Variants in KDM2A observed in about 807,000 individuals in gnomAD.
The protein encoded by KDM2A is lysine-specific demethylase 2A.
A neutral mutation model predicts 137.3 loss-of-function variants in KDM2A; 3 were observed. That is an observed-to-expected ratio of 0.02 (90% CI 0.01 to 0.06). The LOEUF (loss-of-function observed/expected upper bound fraction) is 0.06, where lower values mean the gene tolerates loss of function less well. KDM2A is among the 10% of genes least tolerant of loss of function. KDM2A has a pLI of 1.00. For missense variants in KDM2A, 738 were observed against 1,510.6 expected (o/e 0.49, Z 8.48); for synonymous variants, 512 against 541.5 (o/e 0.95, Z 0.76).
intron 2 of KDM2A, among the ~76,000 whole-genome samples, chr11:67,154,723 A>G (rs929872614): frequency 3.9e-5 from 6 of 152,216 alleles, no homozygotes; most frequent in Admixed American, 3.3e-4. Context: ...ACAGGCATGA[A>G]CCACCATGCC....
At chr11:67,148,328 A>G (rs549406759) in intron 2 of KDM2A, among the ~76,000 whole-genome samples, 1 of 151,946 alleles carries the variant, frequency 6.6e-6, no homozygotes, top group East Asian at 1.9e-4. Flanking sequence ...GGTCGAGGCC[A>G]AAGGGTCGCT....
At chr11:67,127,515 T>G (rs1410275756) in intron 2 of KDM2A, among the ~76,000 whole-genome samples, 1 of 152,082 alleles carries the variant, frequency 6.6e-6, no homozygotes, top group Non-Finnish European at 1.5e-5. Flanking sequence ...CTAAAAGATG[T>G]TATTATCGCA....
intron 11 of KDM2A, 65 bp from the exon 12 acceptor site, chr11:67,231,501 A>G (rs564687157): frequency 3.5e-6 from 5 of 1,424,078 alleles, no homozygotes; most frequent in Middle Eastern, 2.2e-4. Flanking sequence ...CATGCCACCT[A>G]TTTCTCTTGC....
In KDM2A at chr11:67,231,495, C is replaced by T. The variant is rs376656070; in HGVS notation, c.1085-71C>T. ...TTATAGCCTCAAGGCCCCTATCATGCCACCTATTTCTCTTGCTGATCACAT... is the reference window on the plus strand; with the variant it reads ...TTATAGCCTCAAGGCCCCTATCATGTCACCTATTTCTCTTGCTGATCACAT... On this transcript the variant is annotated intron_variant, in intron 11 of 20. Transcript: ENST00000529006. The T allele has an allele frequency of 2.8e-5, 38 of 1,373,616 alleles. 1 individual carries two copies. In the African/African-American group the frequency reaches 4.2e-4, roughly 15 times the overall value. 85.1% of individuals were successfully genotyped at this position (1,373,616 alleles called of 1,614,324 possible).
intron 6 of KDM2A, among the ~76,000 whole-genome samples, chr11:67,212,032 A>G (rs181415750): frequency 0.011 from 1,674 of 152,324 alleles, 22 homozygotes; most frequent in Middle Eastern, 0.017. Context: ...AAAGTAGCAC[A>G]TGCCTTTAGT....
At chr11:67,151,473 C>G (rs1000966222) in intron 2 of KDM2A, among the ~76,000 whole-genome samples, 1 of 151,972 alleles carries the variant, frequency 6.6e-6, no homozygotes, top group Non-Finnish European at 1.5e-5. Flanking sequence ...TTCCGCCTCC[C>G]GAATAAGTGG....
chr11:67,147,716 C>T (rs910971887), intron 2 of KDM2A, among the ~76,000 whole-genome samples: 1 of 150,066 alleles, frequency 6.7e-6, no homozygotes, highest in Non-Finnish European at 1.5e-5. Flanking sequence ...CTTGCAGTGT[C>T]GCCTGAGCTG....
intron 2 of KDM2A, among the ~76,000 whole-genome samples, chr11:67,125,778 CAAA>C (rs1209264085): frequency 4.0e-5 from 4 of 100,288 alleles, no homozygotes; most frequent in Admixed American, 1.1e-4. Context: ...GACTCCATCT[CAAA>C]AAAAAAAAAA....
At chr11:67,208,138 T>C (rs773011343) in intron 6 of KDM2A, among the ~76,000 whole-genome samples, 3 of 148,272 alleles carry the variant, frequency 2.0e-5, no homozygotes, top group Non-Finnish European at 2.9e-5. Flanking sequence ...AAGAATAATT[T>C]GTATTTTTAT....
At chr11:67,203,448 T>C (rs1857704126) in intron 5 of KDM2A, among the ~76,000 whole-genome samples, 1 of 36,150 alleles carries the variant, frequency 2.8e-5, no homozygotes, top group Non-Finnish European at 5.2e-5. Flanking sequence ...TATATTAATA[T>C]AATTATATTT....
intron 5 of KDM2A, among the ~76,000 whole-genome samples, chr11:67,191,744 G>A (rs1857359578): frequency 6.6e-6 from 1 of 152,152 alleles, no homozygotes; most frequent in South Asian, 2.1e-4. Flanking sequence ...ATACTCAGTG[G>A]TGAAACACCA....
intron 12 of KDM2A, chr11:67,240,011 C>T: frequency 3.1e-6 from 4 of 1,279,640 alleles, no homozygotes; most frequent in Non-Finnish European, 4.0e-6. Context: ...GCCTGGCTCG[C>T]TCACTCTCGC....
chr11:67,190,681 A>G (rs1229017369), intron 5 of KDM2A, among the ~76,000 whole-genome samples: 2 of 152,102 alleles, frequency 1.3e-5, no homozygotes, highest in African/African-American at 4.8e-5. Flanking sequence ...GAATCGCTTG[A>G]ACTGAGGAGG....
intron 10 of KDM2A, among the ~76,000 whole-genome samples, chr11:67,219,938 C>T (rs945192734): frequency 6.6e-6 from 1 of 152,028 alleles, no homozygotes; most frequent in Non-Finnish European, 1.5e-5. Flanking sequence ...CTTTTTCTTT[C>T]CTTTTTTTAA....
At chr11:67,162,888 A>C (rs901061808) in intron 2 of KDM2A, among the ~76,000 whole-genome samples, 8 of 151,514 alleles carry the variant, frequency 5.3e-5, no homozygotes, top group African/African-American at 1.2e-4. Context: ...TAATTTAATA[A>C]ATTTTTTAGA....
intron 2 of KDM2A, among the ~76,000 whole-genome samples, chr11:67,129,384 T>C (rs2136281956): frequency 6.6e-6 from 1 of 151,924 alleles, no homozygotes; most frequent in African/African-American, 2.4e-5. Flanking sequence ...ACGTCAGGAG[T>C]TGAAGACCAG....
intron 12 of KDM2A, chr11:67,240,015 C>G: frequency 7.7e-7 from 1 of 1,293,324 alleles, no homozygotes; most frequent in Non-Finnish European, 9.8e-7. Context: ...GGCTCGCTCA[C>G]TCTCGCTCGG....
At chr11:67,211,311 A>G (rs1316311251) in intron 6 of KDM2A, among the ~76,000 whole-genome samples, 1 of 152,198 alleles carries the variant, frequency 6.6e-6, no homozygotes, top group Non-Finnish European at 1.5e-5. Context: ...AGTAACCACC[A>G]TAGTCAAAAT....
chr11:67,187,835 A>G (rs1028895163), intron 5 of KDM2A, among the ~76,000 whole-genome samples: 2 of 152,094 alleles, frequency 1.3e-5, no homozygotes, highest in Admixed American at 1.3e-4. Context: ...GGGCCTTCCA[A>G]GGTGCTGGGG....
Sources: gnomAD v4.1 joint callset for allele counts (sites outside exome capture counted in the v4.1 genomes callset) on GRCh38, gnomAD v4.1.1 for gene constraint, MANE v1.5 for transcripts, NCBI Gene and HGNC (gene_info 2026-07-23, HGNC 2026-07-21) for gene names.